RAP1GAP2: variants seen among roughly 807,000 people sequenced by gnomAD.
The protein encoded by RAP1GAP2 is rap1 GTPase-activating protein 2.
Under a neutral mutation model 95.0 loss-of-function variants are expected in RAP1GAP2, and 27 were observed. That is an observed-to-expected ratio of 0.28 (90% CI 0.21 to 0.39). The LOEUF is 0.39. Ranked by LOEUF, RAP1GAP2 falls within the 10% of genes least tolerant of loss-of-function variation. The pLI, the probability that RAP1GAP2 is intolerant of heterozygous loss-of-function variation, is 1.00. For synonymous variants in RAP1GAP2, 373 were observed against 380.9 expected, an observed-to-expected ratio of 0.98 and a Z score of 0.24; for missense variants, 771 against 970.0, an observed-to-expected ratio of 0.79 and a Z score of 2.72.
At chr17:3,006,665 C>T (rs553077320) in intron 16 of RAP1GAP2, among the ~76,000 whole-genome samples, 32 of 151,446 alleles carry the variant, frequency 2.1e-4, no homozygotes, top group African/African-American at 7.3e-4. Context: ...GATCTCCTGA[C>T]CTCGTGATCC....
At chr17:2,880,380 T>G (rs1479109839) in intron 2 of RAP1GAP2, among the ~76,000 whole-genome samples, 1 of 150,834 alleles carries the variant, frequency 6.6e-6, no homozygotes, top group Non-Finnish European at 1.5e-5. Flanking sequence ...GAGTTGGGTT[T>G]GAGCCACATG....
chr17:2,894,670 C>T (rs1266236355), intron 2 of RAP1GAP2, among the ~76,000 whole-genome samples: 2 of 152,150 alleles, frequency 1.3e-5, no homozygotes, highest in African/African-American at 2.4e-5. Context: ...GTCTGTATCA[C>T]GGCTGAAGCG....
chr17:2,920,004 T>C (rs929097889), intron 3 of RAP1GAP2, among the ~76,000 whole-genome samples: 1 of 126,474 alleles, frequency 7.9e-6, no homozygotes, highest in Admixed American at 8.1e-5. Context: ...TCTGGCCTCC[T>C]TTTTTCTTTT....
At chr17:2,992,107 G>T (rs1473359181) in intron 12 of RAP1GAP2, among the ~76,000 whole-genome samples, 1 of 151,578 alleles carries the variant, frequency 6.6e-6, no homozygotes, top group Admixed American at 6.6e-5. Flanking sequence ...AATGCATCAT[G>T]AGGAGCTGAT....
At chr17:2,952,330 T>C (rs984897783) in intron 3 of RAP1GAP2, among the ~76,000 whole-genome samples, 1 of 152,226 alleles carries the variant, frequency 6.6e-6, no homozygotes, top group African/African-American at 2.4e-5. Flanking sequence ...AGTGTACCCC[T>C]GTGCCTTATT....
chr17:2,853,338 C>T (rs2071964183), intron 2 of RAP1GAP2, among the ~76,000 whole-genome samples: 1 of 151,792 alleles, frequency 6.6e-6, no homozygotes, highest in African/African-American at 2.4e-5. Flanking sequence ...TTCGTTTGGA[C>T]GGAGGAGGAC....
chr17:2,837,896 G>C (rs938747505), intron 2 of RAP1GAP2, among the ~76,000 whole-genome samples: 2 of 150,928 alleles, frequency 1.3e-5, no homozygotes, highest in Admixed American at 6.6e-5. Context: ...GTGAGCCACC[G>C]CACCCGGTCT....
In RAP1GAP2 at chr17:2,838,081, C is replaced by T. The variant is rs547793648; in HGVS notation, c.80+37531C>T. Among the ~76,000 whole-genome samples the T allele has an allele frequency of 1.1e-3, 127 of 119,796 alleles. No homozygotes were observed. The South Asian group carries it at 0.012, about 11-fold the overall frequency. 78.6% of individuals were successfully genotyped at this position (119,796 alleles called of 152,430 possible). A position where few individuals can be genotyped will look rare whatever the true frequency, so the allele number is the denominator to read the frequency against. On this transcript the variant is annotated intron_variant, in intron 2 of 24. Coordinates refer to ENST00000254695, the MANE Select transcript of RAP1GAP2 (RefSeq NM_015085.5). ...TCACCCAGGCTGGAGTGCGGTGGTG[C>T]GATCTCGGCTCACTGCAACCTCCGC...
intron 2 of RAP1GAP2, among the ~76,000 whole-genome samples, chr17:2,856,995 C>T (rs906180738): frequency 2.0e-5 from 3 of 152,236 alleles, no homozygotes; most frequent in Non-Finnish European, 4.4e-5. Flanking sequence ...GACCCTTGCT[C>T]TGCAGGTGCT....
At chr17:2,765,310 C>T (rs2068252341) in intron 1 of RAP1GAP2, among the ~76,000 whole-genome samples, 1 of 152,144 alleles carries the variant, frequency 6.6e-6, no homozygotes, top group South Asian at 2.1e-4. Context: ...ACTTCCTTAG[C>T]ACATTCTCAA....
chr17:2,960,141 A>C (rs948666128), intron 4 of RAP1GAP2, among the ~76,000 whole-genome samples: 2 of 148,686 alleles, frequency 1.3e-5, no homozygotes, highest in South Asian at 2.1e-4. Flanking sequence ...AAAAAAAAAA[A>C]CAACAAAAAA....
chr17:2,799,688 T>G (rs2069198515), intron 1 of RAP1GAP2, among the ~76,000 whole-genome samples: 1 of 152,156 alleles, frequency 6.6e-6, no homozygotes, highest in Non-Finnish European at 1.5e-5. Flanking sequence ...TTGGTGCTGG[T>G]GGCAGTGCTG....
At chr17:2,832,049 C>A (rs2070878461) in intron 2 of RAP1GAP2, among the ~76,000 whole-genome samples, 3 of 150,306 alleles carry the variant, frequency 2.0e-5, no homozygotes, top group Non-Finnish European at 4.4e-5. Context: ...ACTAAAAATA[C>A]AAAAATTAGA....
At chr17:2,884,487 C>T (rs1254272701) in intron 2 of RAP1GAP2, among the ~76,000 whole-genome samples, 2 of 151,514 alleles carry the variant, frequency 1.3e-5, no homozygotes, top group East Asian at 1.9e-4. Context: ...ATTCTCCTGC[C>T]TCAGCCTCCC....
At chr17:2,976,905 C>T (rs932103693) in intron 8 of RAP1GAP2, among the ~76,000 whole-genome samples, 31 of 151,810 alleles carry the variant, frequency 2.0e-4, no homozygotes, top group African/African-American at 6.5e-4. Context: ...GAGGCTGAGG[C>T]GGGTGGATCA....
At chr17:2,774,149 A>G (rs2151437917), upstream of RAP1GAP2, among the ~76,000 whole-genome samples, 1 of 152,236 alleles carries the variant, frequency 6.6e-6, no homozygotes, top group South Asian at 2.1e-4. Flanking sequence ...AAGGAATCAG[A>G]ATTGTCTGAA....
intron 2 of RAP1GAP2, among the ~76,000 whole-genome samples, chr17:2,846,535 C>G (rs1290094412): frequency 6.6e-6 from 1 of 152,050 alleles, no homozygotes; most frequent in Non-Finnish European, 1.5e-5. Context: ...CTTAGCCTCC[C>G]GAGTAGCTGG....
At chr17:2,777,282 G>C (rs1290363154) in intron 1 of RAP1GAP2, 1 of 152,686 alleles carries the variant, frequency 6.5e-6, no homozygotes, top group African/African-American at 2.4e-5. Flanking sequence ...GTCAGAGGTA[G>C]GGTGTTTACA....
chr17:2,967,376 C>G (rs531063278), intron 8 of RAP1GAP2, among the ~76,000 whole-genome samples: 1 of 151,018 alleles, frequency 6.6e-6, no homozygotes, highest in East Asian at 2.0e-4. Context: ...GTCTCAACAA[C>G]AACAACGATG....
Sources: gnomAD v4.1 joint callset for allele counts (sites outside exome capture counted in the v4.1 genomes callset) on GRCh38, gnomAD v4.1.1 for gene constraint, MANE v1.5 for transcripts, NCBI Gene and HGNC (gene_info 2026-07-23, HGNC 2026-07-21) for gene names.